The following STX8 variants were observed in gnomAD, a reference collection of about 807,000 sequenced individuals.
The protein encoded by STX8 is syntaxin 8.
STX8 carries 23 observed loss-of-function variants against 37.5 expected under a neutral mutation model. The observed-to-expected ratio is 0.61, with a 90% CI of 0.44 to 0.87. STX8 has a LOEUF of 0.87. STX8 is among the 40% of genes least tolerant of loss of function. The pLI is 0.00. For missense variants in STX8, 313 were observed against 284.7 expected (o/e 1.10, Z -0.71); for synonymous variants, 115 against 99.1 (o/e 1.16, Z -0.95).
chr17:9,495,134 C>T (rs1904336992), intron 5 of STX8, among the ~76,000 whole-genome samples: 1 of 152,192 alleles, frequency 6.6e-6, no homozygotes, highest in Non-Finnish European at 1.5e-5. Flanking sequence ...TTTATTTAAA[C>T]TAACGGTGTG....
chr17:9,448,158 G>A (rs955316950), intron 6 of STX8, among the ~76,000 whole-genome samples: 7 of 128,568 alleles, frequency 5.4e-5, no homozygotes, highest in African/African-American at 1.5e-4. Context: ...CTGGGCAACA[G>A]AATGAGACTC....
At chr17:9,512,515 T>C (rs1334801386) in intron 4 of STX8, among the ~76,000 whole-genome samples, 5 of 151,466 alleles carry the variant, frequency 3.3e-5, no homozygotes, top group African/African-American at 1.2e-4. Context: ...CCAGCTGGAG[T>C]GCAGTGATGC....
intron 7 of STX8, among the ~76,000 whole-genome samples, chr17:9,285,065 C>T (rs1266742922): frequency 6.6e-6 from 1 of 152,076 alleles, no homozygotes; most frequent in East Asian, 1.9e-4. Context: ...TCTGATTCAG[C>T]GGTTCCGGGA....
At chr17:9,549,959 C>T (rs1597737770) in intron 3 of STX8, among the ~76,000 whole-genome samples, 1 of 152,110 alleles carries the variant, frequency 6.6e-6, no homozygotes, top group Non-Finnish European at 1.5e-5. Flanking sequence ...CGCGGTGGCT[C>T]AAGCCTGTAA....
intron 6 of STX8, among the ~76,000 whole-genome samples, chr17:9,447,132 G>A (rs978058160): frequency 6.6e-6 from 1 of 152,172 alleles, no homozygotes; most frequent in African/African-American, 2.4e-5. Context: ...TCTCAGTAAA[G>A]AGGGGTGATT....
At chr17:9,296,561 A>G (rs566845119) in intron 7 of STX8, among the ~76,000 whole-genome samples, 1 of 152,040 alleles carries the variant, frequency 6.6e-6, no homozygotes, top group Non-Finnish European at 1.5e-5. Flanking sequence ...TTAATTAATG[A>G]ATTCATTCAT....
intron 4 of STX8, among the ~76,000 whole-genome samples, chr17:9,528,075 G>C (rs927547999): frequency 2.0e-5 from 3 of 152,168 alleles, no homozygotes; most frequent in Non-Finnish European, 2.9e-5. Context: ...TTTAAGTGAA[G>C]AAAAGTAAAA....
chr17:9,255,047 A>C (rs149666492), intron 7 of STX8, among the ~76,000 whole-genome samples: 8 of 152,324 alleles, frequency 5.3e-5, no homozygotes, highest in African/African-American at 1.9e-4. Flanking sequence ...ACAAGATAGA[A>C]GAATGCTCTT....
chr17:9,438,882 T>C (rs1904539727), intron 6 of STX8, among the ~76,000 whole-genome samples: 1 of 151,972 alleles, frequency 6.6e-6, no homozygotes. Context: ...TGAGCTGAGA[T>C]CACGCCACTG....
At chr17:9,453,724 C>G (rs530484937) in intron 6 of STX8, among the ~76,000 whole-genome samples, 2 of 152,178 alleles carry the variant, frequency 1.3e-5, no homozygotes, top group Non-Finnish European at 2.9e-5. Context: ...AACTCCTGAC[C>G]TCAGGTGATC....
intron 7 of STX8, among the ~76,000 whole-genome samples, chr17:9,289,286 G>C (rs1908218712): frequency 6.6e-6 from 1 of 152,146 alleles, no homozygotes. Flanking sequence ...GGAGGCTTAA[G>C]GGGGTAAATC....
At chr17:9,497,507 G>A (rs1904449778) in intron 5 of STX8, among the ~76,000 whole-genome samples, 1 of 152,168 alleles carries the variant, frequency 6.6e-6, no homozygotes, top group South Asian at 2.1e-4. Context: ...GGTAGGTTAC[G>A]GGATGGCATA....
In STX8 at chr17:9,575,819, C is replaced by G; in HGVS notation, c.-11G>C. ...GGGGTCCGGTGCCATCCTGCAGACT[C>G]CGCCCGCCGCTCGGACTCTTCCTGC... On this transcript the variant is annotated 5_prime_UTR_variant, in exon 1 of 8. Coordinates refer to ENST00000306357, the MANE Select transcript of STX8 (RefSeq NM_004853.3). The G allele has an allele frequency of 5.8e-6, 9 of 1,539,228 alleles. No homozygotes were observed. Among genetic ancestry groups the G allele is most frequent in the Non-Finnish European group, 7.0e-6 (8 of 1,145,730 alleles).
chr17:9,526,221 G>A (rs1401441684), intron 4 of STX8, among the ~76,000 whole-genome samples: 3 of 152,160 alleles, frequency 2.0e-5, no homozygotes, highest in Admixed American at 6.5e-5. Context: ...AGAGGACCTG[G>A]GTTCTAGTTC....
intron 7 of STX8, among the ~76,000 whole-genome samples, chr17:9,324,481 G>A (rs955576248): frequency 1.3e-5 from 2 of 152,042 alleles, no homozygotes; most frequent in African/African-American, 4.8e-5. Flanking sequence ...AGTCAGAAGA[G>A]GCCAGGTGCG....
chr17:9,399,681 C>A (rs1912532192), intron 6 of STX8, among the ~76,000 whole-genome samples: 1 of 151,982 alleles, frequency 6.6e-6, no homozygotes, highest in Non-Finnish European at 1.5e-5. Flanking sequence ...GCCTGACTAA[C>A]ATGGCAAAAC....
At chr17:9,533,968 C>T (rs1905921543) in intron 4 of STX8, among the ~76,000 whole-genome samples, 1 of 152,120 alleles carries the variant, frequency 6.6e-6, no homozygotes, top group Non-Finnish European at 1.5e-5. Flanking sequence ...ATTCTCCCAT[C>T]GTTTTTGGTA....
At chr17:9,279,604 C>T (rs1907806321) in intron 7 of STX8, among the ~76,000 whole-genome samples, 1 of 152,180 alleles carries the variant, frequency 6.6e-6, no homozygotes, top group Admixed American at 6.5e-5. Flanking sequence ...TCCAAACCAT[C>T]TTCTCTGCTT....
chr17:9,514,474 G>A (rs1279582063), intron 4 of STX8, among the ~76,000 whole-genome samples: 7 of 152,036 alleles, frequency 4.6e-5, no homozygotes, highest in East Asian at 1.9e-4. Context: ...GCATGGTGGC[G>A]GGCGCCTGTA....
Sources: allele counts gnomAD v4.1 joint callset (sites outside exome capture counted in the v4.1 genomes callset), GRCh38; gene constraint gnomAD v4.1.1; transcripts MANE v1.5; gene names NCBI Gene and HGNC (gene_info 2026-07-23, HGNC 2026-07-21).